Variants in MYO16 observed in about 807,000 individuals in gnomAD.
MYO16 encodes the protein unconventional myosin-XVI.
Under a neutral mutation model 205.3 loss-of-function variants are expected in MYO16, and 94 were observed. The ratio of observed to expected loss-of-function variants is 0.46; its 90% confidence interval spans 0.39 to 0.54. The LOEUF (loss-of-function observed/expected upper bound fraction) is 0.54, where lower values mean the gene tolerates loss of function less well. MYO16 is among the 20% of genes least tolerant of loss of function. The pLI is 0.00. For synonymous variants in MYO16, 988 were observed against 954.0 expected (o/e 1.04, Z -0.66); for missense variants, 2,315 against 2,387.5 (o/e 0.97, Z 0.63).
chr13:108,710,286 G>T (rs1883669642), intron 2 of MYO16, among the ~76,000 whole-genome samples: 1 of 152,150 alleles, frequency 6.6e-6, no homozygotes, highest in Non-Finnish European at 1.5e-5. Context: ...AGGTAATAAA[G>T]ATTCACTTTC....
intron 6 of MYO16, among the ~76,000 whole-genome samples, chr13:108,798,298 T>A (rs1886852103): frequency 6.6e-6 from 1 of 152,224 alleles, no homozygotes; most frequent in African/African-American, 2.4e-5. Flanking sequence ...AAATTAGGCA[T>A]AAATTTTCAC....
chr13:108,737,001 T>G (rs1367874433), intron 4 of MYO16, among the ~76,000 whole-genome samples: 1 of 152,218 alleles, frequency 6.6e-6, no homozygotes, highest in African/African-American at 2.4e-5. Context: ...TCCTGAGATT[T>G]TGCTGAAGTT....
At chr13:108,967,587 T>G (rs1883844264) in intron 20 of MYO16, among the ~76,000 whole-genome samples, 1 of 152,226 alleles carries the variant, frequency 6.6e-6, no homozygotes, top group Non-Finnish European at 1.5e-5. Context: ...TGGGGACCAC[T>G]GAGGGCCACA....
intron 21 of MYO16, among the ~76,000 whole-genome samples, chr13:108,994,777 A>G (rs1273614003): frequency 6.6e-6 from 1 of 152,222 alleles, no homozygotes; most frequent in Non-Finnish European, 1.5e-5. Flanking sequence ...TTCAACGAAC[A>G]TGTTTTCAAT....
At chr13:108,534,705 G>A in the MYO16 span, among the ~76,000 whole-genome samples, 2 of 151,384 alleles carry the variant, frequency 1.3e-5, no homozygotes, top group Non-Finnish European at 2.9e-5. Flanking sequence ...CTCTATAGGT[G>A]AAAAGTAATA....
At chr13:108,902,465 G>A (rs1880756680) in intron 15 of MYO16, among the ~76,000 whole-genome samples, 1 of 152,230 alleles carries the variant, frequency 6.6e-6, no homozygotes, top group African/African-American at 2.4e-5. Flanking sequence ...GTTAGATTAT[G>A]TCAGTGTTCA....
intron 10 of MYO16, among the ~76,000 whole-genome samples, chr13:108,852,523 A>G (rs1472987675): frequency 6.6e-6 from 1 of 152,202 alleles, no homozygotes; most frequent in Admixed American, 6.5e-5. Flanking sequence ...CAAAATTTTA[A>G]AAAAATGTTA....
chr13:108,929,427 C>T (rs1882151511), intron 16 of MYO16, among the ~76,000 whole-genome samples: 1 of 152,020 alleles, frequency 6.6e-6, no homozygotes, highest in Non-Finnish European at 1.5e-5. Context: ...TCAATAATAA[C>T]AAAAAGCAGG....
Position 109,127,450 on chromosome 13 carries a change from GC to G in MYO16, c.3956del (p.Pro1319ArgfsTer12). 1 of 1,614,016 alleles carries G rather than the reference GC, an allele frequency of 6.2e-7. No homozygotes were observed. The highest frequency in any genetic ancestry group is 1.3e-5 in the African/African-American group (1 of 75,040). On this transcript the variant is annotated frameshift_variant, in exon 31 of 35. Transcript: ENST00000457511. LOFTEE classifies it high-confidence loss of function. The surrounding 1 kb of genome is among the most constrained non-coding windows in gnomAD (Gnocchi z 4.2). Reference sequence around the variant, plus strand: ...GCAGCCTCCCGTCTCCACGGAAACAGCCCCCGCCCAAGCCAAAGAGGGACCC... The same window carrying G: ...GCAGCCTCCCGTCTCCACGGAAACAGCCCCGCCCAAGCCAAAGAGGGACCC... Reference protein sequence around the residue: ...SSSLPSPRKQPPPKPKRDPNT... With the variant: ...SSSLPSPRKQXPPKPKRDPNT...
chr13:108,724,339 G>A (rs1884266177), intron 3 of MYO16, among the ~76,000 whole-genome samples: 1 of 152,170 alleles, frequency 6.6e-6, no homozygotes, highest in South Asian at 2.1e-4. Flanking sequence ...CCAGTGGAAT[G>A]TTGAAGGGAA....
chr13:108,645,435 C>A (rs1880709274), intron 1 of MYO16, among the ~76,000 whole-genome samples: 1 of 152,126 alleles, frequency 6.6e-6, no homozygotes, highest in Non-Finnish European at 1.5e-5. Flanking sequence ...TACGCTGTCT[C>A]CTGTAGCTTT....
At chr13:108,650,550 G>C (rs1880954870) in intron 1 of MYO16, among the ~76,000 whole-genome samples, 1 of 152,232 alleles carries the variant, frequency 6.6e-6, no homozygotes, top group Non-Finnish European at 1.5e-5. Context: ...ATTCAGAGCA[G>C]AAAGATCGTT....
At chr13:108,544,593 C>A in the MYO16 span, among the ~76,000 whole-genome samples, 419 of 152,162 alleles carry the variant, frequency 2.8e-3, 3 homozygotes, top group Non-Finnish European at 4.2e-3. Flanking sequence ...TATAGTTATA[C>A]CTATCTAACT....
At chr13:108,676,552 A>T (rs1225705991) in intron 2 of MYO16, among the ~76,000 whole-genome samples, 1 of 152,224 alleles carries the variant, frequency 6.6e-6, no homozygotes, top group Non-Finnish European at 1.5e-5. Flanking sequence ...AGATGTAATC[A>T]AGTTCAGATA....
chr13:108,602,677 G>A (rs1878808680), intron 1 of MYO16, among the ~76,000 whole-genome samples: 1 of 152,154 alleles, frequency 6.6e-6, no homozygotes, highest in African/African-American at 2.4e-5. Flanking sequence ...TATGTTGGAA[G>A]TGGGTGGTTT....
intron 14 of MYO16, among the ~76,000 whole-genome samples, chr13:108,894,696 C>T (rs1880329129): frequency 6.6e-6 from 1 of 152,188 alleles, no homozygotes; most frequent in Non-Finnish European, 1.5e-5. Context: ...TCTTAAAAGC[C>T]TGCATGAGCT....
intron 1 of MYO16, among the ~76,000 whole-genome samples, chr13:108,619,424 C>G (rs778927361): frequency 7.9e-5 from 12 of 152,146 alleles, no homozygotes; most frequent in Non-Finnish European, 1.5e-4. Flanking sequence ...TACTTCCGAT[C>G]TGTATCTTTT....
At chr13:109,007,281 G>C in intron 21 of MYO16, among the ~76,000 whole-genome samples, 1 of 151,980 alleles carries the variant, frequency 6.6e-6, no homozygotes, top group East Asian at 1.9e-4. Flanking sequence ...CCAGCTACTC[G>C]GGAGGCTGAG....
chr13:109,078,058 A>G (rs537454701), intron 27 of MYO16, among the ~76,000 whole-genome samples: 1 of 152,144 alleles, frequency 6.6e-6, no homozygotes, highest in African/African-American at 2.4e-5. Flanking sequence ...TCTTCTGTTC[A>G]TCCAATTCAA....
Sources: allele counts gnomAD v4.1 joint callset (sites outside exome capture counted in the v4.1 genomes callset), GRCh38; gene constraint gnomAD v4.1.1; non-coding constraint Gnocchi (gnomAD v3.1); transcripts MANE v1.5; gene names NCBI Gene and HGNC (gene_info 2026-07-23, HGNC 2026-07-21).